The following ENGASE variants were observed in gnomAD, a reference collection of about 807,000 sequenced individuals.
The protein encoded by ENGASE is endo-beta-N-acetylglucosaminidase.
Under a neutral mutation model 78.5 loss-of-function variants are expected in ENGASE, and 69 were observed. The ratio of observed to expected loss-of-function variants is 0.88; its 90% CI spans 0.72 to 1.07. ENGASE has a LOEUF of 1.07. Among genes scored for constraint, ENGASE ranks in the 50% least tolerant of loss-of-function variants. The probability of loss-of-function intolerance (pLI) is 0.00; values close to 1 mark genes in which losing one functional copy is unlikely to be tolerated. For missense variants in ENGASE, 943 were observed against 988.4 expected (o/e 0.95, Z 0.62); for synonymous variants, 408 against 408.9 (o/e 1.00, Z 0.03).
chr17:79,074,856 C>G lies in ENGASE; in HGVS notation c.-89C>G, dbSNP rs547254636. 757 of 1,210,642 alleles carry G rather than the reference C, an allele frequency of 6.3e-4. 5 individuals carry two copies. In the African/African-American group the frequency reaches 0.011, roughly 17 times the overall value. 75.0% of individuals were successfully genotyped at this position (1,210,642 alleles called of 1,614,324 possible). A position where few individuals can be genotyped will look rare whatever the true frequency, so the allele number is the denominator to read the frequency against. ...AGCTCGGAGTCCCGTCCCAGCGCGG[C>G]GTCAGCGCTGCGCACTTCCCATTGG... On this transcript the variant is annotated 5_prime_UTR_variant, in exon 1 of 14. Transcript: ENST00000579016.
At chr17:79,076,077 G>C (rs2072961221) in intron 1 of ENGASE, among the ~76,000 whole-genome samples, 1 of 152,172 alleles carries the variant, frequency 6.6e-6, no homozygotes, top group Non-Finnish European at 1.5e-5. Context: ...GGAGGCCCTG[G>C]GTCAGTGTTT....
chr17:79,086,139 G>T lies in ENGASE; in HGVS notation c.2022G>T (p.Pro674=). The T allele has an allele frequency of 6.2e-7, 1 of 1,613,750 alleles. No homozygotes were observed. The highest frequency in any genetic ancestry group is 1.1e-5 in the South Asian group (1 of 91,090). The part of the protein sequence containing the change: ...HCWGGMSDDS[P]GRELPRPEMP... The stretch of plus-strand genomic sequence containing the variant: ...GGGGAGGGATGAGTGATGACTCTCC[G>T]GGCAGGGAGCTGCCGAGGCCAGAGA... The change falls in exon 14 of 14, where the codon CCG becomes CCT. Residue 674 remains proline (P), a synonymous_variant. Transcript: ENST00000579016.
chr17:79,085,318 AG>A lies in ENGASE; in HGVS notation c.1677del (p.Gln559HisfsTer2). 6.2e-7 allele frequency: 1 copy of A among 1,612,402 alleles called. No homozygotes were observed. The highest frequency in any genetic ancestry group is 8.5e-7 in the Non-Finnish European group (1 of 1,179,588). On this transcript the variant is annotated frameshift_variant, in exon 12 of 14. Coordinates refer to ENST00000579016, the MANE Select transcript of ENGASE (RefSeq NM_001042573.3). LOFTEE classifies it high-confidence loss of function. ...AGATGGGTGGGCCGCTGCGGCCGGC[AG>A]CTGAGTGGGGGCTGGGTCCAGCAGT... ...LARWVGRCGR[Q>X]LSGGWVQHCY... is the part of the protein sequence containing the mutation.
rs1167670674 is a variant in ENGASE at position 79,075,818 on chromosome 17, G to T, written c.146+728G>T. The T allele has an allele frequency of 3.0e-6, 3 of 985,288 alleles. No homozygotes were observed. The African/African-American group carries it at 5.2e-5, about 17-fold the overall frequency. 61.0% of individuals were successfully genotyped at this position (985,288 alleles called of 1,614,324 possible). ...AGATGGGATGAAGGCTGGCTGCTGGGAAAGATATTTTTGGACAGGAGGAAT... is the reference window on the plus strand; with the variant it reads ...AGATGGGATGAAGGCTGGCTGCTGGTAAAGATATTTTTGGACAGGAGGAAT... On this transcript the variant is annotated intron_variant, in intron 1 of 13. Transcript: ENST00000579016.
At position 79,082,875 on chromosome 17, in the gene ENGASE, C is replaced by T. The variant is rs767478661; in HGVS notation, c.1039-145C>T. ...GACGGGGGTGATGCCCAGCAGCCTC[C>T]AGGTGCATCTAGGAGGGAGGGGTTG... On this transcript the variant is annotated intron_variant, in intron 7 of 13. Coordinates refer to ENST00000579016, the MANE Select transcript of ENGASE (RefSeq NM_001042573.3). 3.2e-6 allele frequency: 5 copies of T among 1,573,298 alleles called. No homozygotes were observed. The African/African-American group carries it at 6.8e-5, about 21-fold the overall frequency.
At chr17:79,077,367 C>T (rs1300605664) in intron 1 of ENGASE, 63 bp from the exon 2 acceptor site, 2 of 1,459,940 alleles carry the variant, frequency 1.4e-6, no homozygotes, top group Non-Finnish European at 1.9e-6. Flanking sequence ...GGTCCATTTG[C>T]TTCTAAGTGT....
intron 3 of ENGASE, among the ~76,000 whole-genome samples, chr17:79,078,364 A>T (rs2073020950): frequency 6.6e-6 from 1 of 152,028 alleles, no homozygotes; most frequent in African/African-American, 2.4e-5. Flanking sequence ...TAAAAAAAGG[A>T]AGGTTGGATT....
chr17:79,077,486 A>G lies in ENGASE; in HGVS notation c.203A>G (p.Asp68Gly). ...VFREVVSFSPDPLPVRYYDKD... is the reference protein window; with the variant it reads ...VFREVVSFSPGPLPVRYYDKD... ...CGAGAGGTGGTCAGTTTTTCCCCGG[A>G]CCCCCTGCCAGGTGAGGAGACAGAG... Residue 68 changes from aspartate (D) to glycine (G), a missense_variant, in exon 2 of 14, where the codon GAC (aspartate) becomes GGC (glycine). Coordinates refer to ENST00000579016, the MANE Select transcript of ENGASE (RefSeq NM_001042573.3). The G allele has an allele frequency of 6.4e-7, 1 of 1,555,324 alleles. No individual in the cohort carries two copies. The highest frequency in any genetic ancestry group is 8.7e-7 in the Non-Finnish European group (1 of 1,155,396).
At position 79,074,932 on chromosome 17, in the gene ENGASE, C is replaced by A; in HGVS notation, c.-13C>A. The stretch of plus-strand genomic sequence containing the variant: ...GGGCCTGCGATTGCCTCTCGGCGTG[C>A]GCGGACAGTGTCATGGAGGCCGCGG... On this transcript the variant is annotated 5_prime_UTR_variant, in exon 1 of 14. Transcript: ENST00000579016. 7.9e-7 allele frequency: 1 copy of A among 1,260,238 alleles called. No individual in the cohort carries two copies. Among genetic ancestry groups the A allele is most frequent in the Admixed American group, 3.4e-5 (1 of 29,482 alleles). 78.1% of individuals were successfully genotyped at this position (1,260,238 alleles called of 1,614,324 possible).
chr17:79,076,145 T>C (rs1280342458), intron 1 of ENGASE, among the ~76,000 whole-genome samples: 1 of 151,944 alleles, frequency 6.6e-6, no homozygotes, highest in Admixed American at 6.6e-5. Flanking sequence ...GGCAGTGGAG[T>C]GATGGCAGAT....
In ENGASE at chr17:79,082,560, GC is replaced by G. The variant is rs1474039971; in HGVS notation, c.1039-456del. The G allele has an allele frequency of 6.5e-6, 8 of 1,225,254 alleles. No individual in the cohort carries two copies. The Admixed American group carries it at 2.4e-4, about 36-fold the overall frequency. 75.9% of individuals were successfully genotyped at this position (1,225,254 alleles called of 1,614,324 possible). A position where few individuals can be genotyped will look rare whatever the true frequency, so the allele number is the denominator to read the frequency against. On this transcript the variant is annotated intron_variant, in intron 7 of 13. Coordinates refer to ENST00000579016, the MANE Select transcript of ENGASE (RefSeq NM_001042573.3). ...GAGGAAGGAGCGGGGCCAGGCCGGT[GC>G]CCCTGGCGTGGGATGCGCAGGGCTC...
At chr17:79,085,804 C>T in intron 13 of ENGASE, 70 bp downstream of exon 13, 2 of 1,600,052 alleles carry the variant, frequency 1.2e-6, no homozygotes, top group Admixed American at 3.4e-5. Flanking sequence ...GGAGGCCGCC[C>T]CAGGCCGCCC....
At chr17:79,076,842 G>A (rs534939219) in intron 1 of ENGASE, among the ~76,000 whole-genome samples, 1 of 152,214 alleles carries the variant, frequency 6.6e-6, no homozygotes, top group South Asian at 2.1e-4. Context: ...TTGTGGTATT[G>A]GGGTGGCTGC....
chr17:79,080,596 C>T (rs551758971), intron 5 of ENGASE, among the ~76,000 whole-genome samples: 178 of 152,352 alleles, frequency 1.2e-3, no homozygotes, highest in Non-Finnish European at 2.0e-3. Context: ...CCCACGTTTC[C>T]CGCCCCTGCC....
At position 79,085,942 on chromosome 17, in the gene ENGASE, G is replaced by C. The variant is rs1342108897; in HGVS notation, c.1825G>C (p.Ala609Pro). 1 of 1,595,694 alleles carries C rather than the reference G, an allele frequency of 6.3e-7. No individual in the cohort carries two copies. Among genetic ancestry groups the C allele is most frequent in the South Asian group, 1.1e-5 (1 of 90,434 alleles). The change falls in exon 14 of 14, where the codon GCT becomes CCT. Residue 609 changes from alanine to proline, a missense_variant. Physicochemically the swap from Ala to Pro is conservative, Grantham distance 27 (BLOSUM62 -1). Transcript: ENST00000579016. ...CCTTCTCTCCTGCCAGGTGGTGGACGCTGCCAGCCTGCTGGCCCCTCTGCC... is the reference window on the plus strand; with the variant it reads ...CCTTCTCTCCTGCCAGGTGGTGGACCCTGCCAGCCTGCTGGCCCCTCTGCC... ...CRLGEIQVVD[A>P]ASLLAPLPQV...
intron 7 of ENGASE, chr17:79,082,500 G>A: frequency 8.3e-7 from 1 of 1,203,774 alleles, no homozygotes; most frequent in Non-Finnish European, 1.0e-6. Context: ...CATGACGAGG[G>A]AGCATTTTCT....
intron 7 of ENGASE, 30 bp downstream of exon 7, chr17:79,082,093 C>A (rs772701622): frequency 1.9e-6 from 3 of 1,613,904 alleles, no homozygotes; most frequent in Non-Finnish European, 2.5e-6. Flanking sequence ...CAAGGGCCAG[C>A]GGCCCAGTGC....
rs780658619 is a variant in ENGASE at position 79,077,794 on chromosome 17, C to G, written c.346C>G (p.Pro116Ala). Reference protein sequence around the residue: ...VALEPLACRQPPLSSQRPRTL... With the variant: ...VALEPLACRQAPLSSQRPRTL... ...CCTGGAGCCCCTGGCGTGTCGCCAG[C>G]CCCCTCTGAGCAGCCAGAGGCCCCG... Residue 116 changes from proline to alanine, a missense_variant, in exon 3 of 14, where the codon CCC (proline) becomes GCC (alanine). Transcript: ENST00000579016. The G allele has an allele frequency of 2.1e-5, 34 of 1,613,950 alleles. No homozygotes were observed. Among genetic ancestry groups the G allele is most frequent in the Non-Finnish European group, 2.7e-5 (32 of 1,180,034 alleles).
In ENGASE at chr17:79,084,563, C is replaced by G. The variant is rs777322843; in HGVS notation, c.1468C>G (p.Pro490Ala). 2 of 1,591,382 alleles carry G rather than the reference C, an allele frequency of 1.3e-6. No homozygotes were observed. The highest frequency in any genetic ancestry group is 2.7e-5 in the African/African-American group (2 of 73,198). The change falls in exon 11 of 14, where the codon CCA (proline) becomes GCA (alanine). Residue 490 changes from proline (P) to alanine (A), a missense_variant. Physicochemically the swap from Pro to Ala is conservative, Grantham distance 27. Coordinates refer to ENST00000579016, the MANE Select transcript of ENGASE (RefSeq NM_001042573.3). ...VRLFSLQAPV[P>A]PKIYLSMVYK... ...GTTATTTTCCCTGCAGGCCCCAGTG[C>G]CACCCAAGATTTACCTGTCCATGGT...
Sources: gnomAD v4.1 joint callset for allele counts (sites outside exome capture counted in the v4.1 genomes callset) on GRCh38, gnomAD v4.1.1 for gene constraint, MANE v1.5 for transcripts, NCBI Gene and HGNC (gene_info 2026-07-23, HGNC 2026-07-21) for gene names.